Variants in CAPN1 observed in about 807,000 individuals in gnomAD.
The protein encoded by CAPN1 is calpain 1.
Under a neutral mutation model 105.2 loss-of-function variants are expected in CAPN1, and 77 were observed. The ratio of observed to expected loss-of-function variants is 0.73; its 90% confidence interval spans 0.61 to 0.88. CAPN1 has a LOEUF of 0.88. Ranked by LOEUF, CAPN1 falls within the 40% of genes least tolerant of loss-of-function variation. The pLI is 0.00. For missense variants in CAPN1, 833 were observed against 976.6 expected (o/e 0.85, Z 1.96); for synonymous variants, 355 against 388.8 (o/e 0.91, Z 1.02).
intron 14 of CAPN1, among the ~76,000 whole-genome samples, chr11:65,207,203 T>A (rs1260076575): frequency 1.3e-5 from 2 of 148,256 alleles, no homozygotes; most frequent in African/African-American, 5.0e-5. Flanking sequence ...TCTTGCCTTT[T>A]TTTTTTTTTT....
At chr11:65,194,261 G>C (rs1948761129) in intron 10 of CAPN1, among the ~76,000 whole-genome samples, 1 of 152,070 alleles carries the variant, frequency 6.6e-6, no homozygotes, top group Non-Finnish European at 1.5e-5. Context: ...GAGCCACCAC[G>C]CTCGGCCTGG....
chr11:65,203,851 C>T (rs1363262000), intron 10 of CAPN1, among the ~76,000 whole-genome samples: 1 of 152,032 alleles, frequency 6.6e-6, no homozygotes, highest in African/African-American at 2.4e-5. Flanking sequence ...CCTCCACATC[C>T]TCACCCAAGT....
At chr11:65,195,615 T>A (rs1024970890) in intron 10 of CAPN1, among the ~76,000 whole-genome samples, 1 of 152,222 alleles carries the variant, frequency 6.6e-6, no homozygotes, top group Non-Finnish European at 1.5e-5. Context: ...CCTTTTAATA[T>A]GCTGTTGGGT....
intron 1 of CAPN1, 184 bp from the exon 2 acceptor site, chr11:65,182,517 C>A: frequency 1.6e-6 from 1 of 606,176 alleles, no homozygotes; most frequent in Non-Finnish European, 2.8e-6. Context: ...AATCCCTTTC[C>A]TGGATTCACT....
Position 65,186,070 on chromosome 11 carries a change from G to A in CAPN1, c.590+20G>A, listed in dbSNP as rs1948628556. On this transcript the variant is annotated intron_variant, in intron 5 of 21. Transcript: ENST00000279247. ...TGCCAAGTGAGTAGCGGCTGAGGGG[G>A]CAACTCCAGCTTCCAGCTCCCCCTA... 1.2e-6 allele frequency: 2 copies of A among 1,609,430 alleles called. No homozygotes were observed. Among genetic ancestry groups the A allele is most frequent in the South Asian group, 1.1e-5 (1 of 90,462 alleles).
chr11:65,207,451 C>G, intron 14 of CAPN1, among the ~76,000 whole-genome samples: 1 of 151,560 alleles, frequency 6.6e-6, no homozygotes, highest in Non-Finnish European at 1.5e-5. Context: ...CCACCCACCT[C>G]GGCCTCACAA....
chr11:65,183,421 C>A (rs778159460), intron 3 of CAPN1, 53 bp from the exon 4 acceptor site: 1 of 1,402,500 alleles, frequency 7.1e-7, no homozygotes, highest in African/African-American at 1.4e-5. Flanking sequence ...CACCCGCTTC[C>A]CCCCCCGGGG....
intron 3 of CAPN1, 138 bp from the exon 4 acceptor site, chr11:65,183,336 A>T: frequency 2.7e-6 from 3 of 1,129,144 alleles, no homozygotes; most frequent in Non-Finnish European, 4.0e-6. Flanking sequence ...TGGTTTGCCC[A>T]GATTCCTGGG....
chr11:65,207,822 G>T (rs1451137929), intron 14 of CAPN1, among the ~76,000 whole-genome samples: 2 of 152,160 alleles, frequency 1.3e-5, no homozygotes, highest in Non-Finnish European at 2.9e-5. Context: ...CTGAGGCAGG[G>T]AGAATGGCTT....
chr11:65,191,658 G>A (rs999097142), intron 10 of CAPN1, among the ~76,000 whole-genome samples: 4 of 152,214 alleles, frequency 2.6e-5, no homozygotes, highest in African/African-American at 9.7e-5. Flanking sequence ...GGATTACAGT[G>A]AGCCACTGCG....
intron 10 of CAPN1, among the ~76,000 whole-genome samples, chr11:65,189,492 C>A (rs930822360): frequency 1.3e-5 from 2 of 152,168 alleles, no homozygotes; most frequent in African/African-American, 4.8e-5. Flanking sequence ...TGCAAACACC[C>A]GCTCTCTGAC....
At chr11:65,200,860 T>G (rs1948858033) in intron 10 of CAPN1, among the ~76,000 whole-genome samples, 1 of 148,228 alleles carries the variant, frequency 6.7e-6, no homozygotes, top group Non-Finnish European at 1.5e-5. Context: ...GTTGAACTCC[T>G]GGGCTCAAGT....
rs1005703720 is a variant in CAPN1 at position 65,186,171 on chromosome 11, G to A, written c.592G>A (p.Val198Ile). ...GTGCTGACCTGGAGCTGCCCACAGG[G>A]TAAATGGCAGCTACGAGGCCCTGTC... ...SALLEKAYAK[V>I]NGSYEALSGG... Residue 198 changes from valine (V) to isoleucine (I), a missense_variant and splice_region_variant, in exon 6 of 22, where the codon GTA becomes ATA. Transcript: ENST00000279247. 3.7e-6 allele frequency: 6 copies of A among 1,612,634 alleles called. No homozygotes were observed. The highest frequency in any genetic ancestry group is 1.3e-5 in the African/African-American group (1 of 74,902).
chr11:65,195,102 T>G (rs1437162569), intron 10 of CAPN1, among the ~76,000 whole-genome samples: 2,641 of 90,586 alleles, frequency 0.029, 214 homozygotes, highest in African/African-American at 0.13. Context: ...TTTTTGGGGT[T>G]TTTTTTTTTT....
In CAPN1 at chr11:65,198,988, C is replaced by A. The variant is rs112001372; in HGVS notation, c.1166-5695C>A. ...TAGCTGGGATTCTAGGTGTGCACCACCACATCCAGCTAATTTTTGTATTTT... is the reference window on the plus strand; with the variant it reads ...TAGCTGGGATTCTAGGTGTGCACCAACACATCCAGCTAATTTTTGTATTTT... On this transcript the variant is annotated intron_variant, in intron 10 of 21. Coordinates refer to ENST00000279247, the MANE Select transcript of CAPN1 (RefSeq NM_005186.4). 2.3e-3 allele frequency among the ~76,000 whole-genome samples: 348 copies of A among 152,316 alleles called. 1 individual carries two copies. The highest frequency in any genetic ancestry group is 7.3e-3 in the African/African-American group (304 of 41,568).
rs1948778392 is a variant in CAPN1 at position 65,195,303 on chromosome 11, CAG to C, written c.1165+6558_1165+6559del. 2.6e-5 allele frequency among the ~76,000 whole-genome samples: 4 copies of C among 151,968 alleles called. No individual in the cohort carries two copies. In the South Asian group the frequency reaches 8.3e-4, roughly 32 times the overall value. ...CTAATTTTTGTAGTTTTAGTAGAGA[CAG>C]GGTTTCACCCTTCAGACCAGCCGTG... is the stretch of plus-strand genomic sequence containing the variant. On this transcript the variant is annotated intron_variant, in intron 10 of 21. Transcript: ENST00000279247.
intron 14 of CAPN1, among the ~76,000 whole-genome samples, chr11:65,207,705 G>A (rs1194438368): frequency 6.6e-6 from 1 of 151,656 alleles, no homozygotes; most frequent in Non-Finnish European, 1.5e-5. Flanking sequence ...CTGAGGTCGG[G>A]AGTTTGAGAC....
chr11:65,205,611 C>A, intron 11 of CAPN1, 99 bp from the exon 12 acceptor site: 1 of 1,188,224 alleles, frequency 8.4e-7, no homozygotes, highest in Non-Finnish European at 1.3e-6. Flanking sequence ...CTTATCCCAT[C>A]AGTCCCGTCT....
chr11:65,187,207 T>G lies in CAPN1; in HGVS notation c.760-8T>G, dbSNP rs1435462601. On this transcript the variant is annotated splice_region_variant and splice_polypyrimidine_tract_variant and intron_variant, in intron 6 of 21. Transcript: ENST00000279247. ...GCCACTGACCACAGTGTGTGCCTCT[T>G]TCTGCAGATCTCCAGCGTTCTAGAC... is the stretch of plus-strand genomic sequence containing the variant. 3.1e-6 allele frequency: 5 copies of G among 1,609,640 alleles called. No individual in the cohort carries two copies. The highest frequency in any genetic ancestry group is 1.3e-5 in the African/African-American group (1 of 74,884).
Sources: allele counts gnomAD v4.1 joint callset (sites outside exome capture counted in the v4.1 genomes callset), GRCh38; gene constraint gnomAD v4.1.1; transcripts MANE v1.5; gene names NCBI Gene and HGNC (gene_info 2026-07-23, HGNC 2026-07-21).